Variants in BBS9 observed in about 807,000 individuals in gnomAD.
The protein encoded by BBS9 is protein PTHB1.
Under a neutral mutation model 117.7 loss-of-function variants are expected in BBS9, and 89 were observed. That is an observed-to-expected ratio of 0.76 (90% CI 0.64 to 0.90). The LOEUF (loss-of-function observed/expected upper bound fraction) is 0.90, where lower values mean the gene tolerates loss of function less well. Among genes scored for constraint, BBS9 ranks in the 40% least tolerant of loss-of-function variants. The probability of loss-of-function intolerance (pLI) is 0.00; values close to 1 mark genes in which losing one functional copy is unlikely to be tolerated. For synonymous variants in BBS9, 379 were observed against 370.9 expected, an observed-to-expected ratio of 1.02 and a Z score of -0.25; for missense variants, 982 against 1,042.2, an observed-to-expected ratio of 0.94 and a Z score of 0.80.
intron 9 of BBS9, among the ~76,000 whole-genome samples, chr7:33,302,711 T>C (rs1447903138): frequency 6.6e-6 from 1 of 152,200 alleles, no homozygotes; most frequent in Non-Finnish European, 1.5e-5. Flanking sequence ...TCAGGTAATG[T>C]GATTCTTTCA....
chr7:33,344,586 G>A lies in BBS9; in HGVS notation c.1281G>A (p.Ala427=), dbSNP rs763111806. Residue 427 remains alanine, a synonymous_variant, in exon 12 of 23, where the codon GCG becomes GCA. Transcript: ENST00000242067. Reference sequence around the variant, plus strand: ...TCTCAATTCTGTGTTTACAGCAAGCGACCGATGTTGAGGTGGGAACTGACC... The same window carrying A: ...TCTCAATTCTGTGTTTACAGCAAGCAACCGATGTTGAGGTGGGAACTGACC... The part of the protein sequence containing the change: ...VSPNFDSVSQ[A]TDVEVGTDLV... The A allele has an allele frequency of 3.1e-6, 5 of 1,613,872 alleles. No individual in the cohort carries two copies. Among genetic ancestry groups the A allele is most frequent in the Admixed American group, 1.7e-5 (1 of 60,008 alleles).
At position 33,529,308 on chromosome 7, in the gene BBS9, G is replaced by A. The variant is rs543051419; in HGVS notation, c.2299-4646G>A. ...TTGGAGAAGTCAGGTAGCAGGCAGG[G>A]CCTCGGCCCCTGAGTCCGGTTCCTT... On this transcript the variant is annotated intron_variant, in intron 20 of 22. Transcript: ENST00000242067. Among the ~76,000 whole-genome samples, 30 of 152,308 alleles carry A rather than the reference G, an allele frequency of 2.0e-4. No individual in the cohort carries two copies. The East Asian group carries it at 5.2e-3, about 27-fold the overall frequency.
intron 1 of BBS9, among the ~76,000 whole-genome samples, chr7:33,130,396 A>G (rs902251726): frequency 7.2e-5 from 11 of 152,194 alleles, no homozygotes; most frequent in African/African-American, 2.7e-4. Context: ...CCTTCTAGTA[A>G]TAGGATTATT....
chr7:33,504,988 A>G (rs574044712), intron 19 of BBS9, among the ~76,000 whole-genome samples: 1 of 152,288 alleles, frequency 6.6e-6, no homozygotes, highest in African/African-American at 2.4e-5. Context: ...TCTCAATACC[A>G]TGTAGCATCT....
chr7:33,511,698 T>C (rs1481322581), intron 20 of BBS9, among the ~76,000 whole-genome samples: 1 of 152,214 alleles, frequency 6.6e-6, no homozygotes, highest in Non-Finnish European at 1.5e-5. Context: ...TGATTGATTA[T>C]CCCTTTTACA....
chr7:33,614,213 A>G (rs1865022101), intron 21 of BBS9, among the ~76,000 whole-genome samples: 1 of 152,112 alleles, frequency 6.6e-6, no homozygotes, highest in Non-Finnish European at 1.5e-5. Flanking sequence ...TTTTAAATTG[A>G]CTAAACAAGA....
At chr7:33,275,350 C>A (rs943360677) in intron 9 of BBS9, among the ~76,000 whole-genome samples, 2 of 152,108 alleles carry the variant, frequency 1.3e-5, no homozygotes, top group Non-Finnish European at 1.5e-5. Context: ...ATCACATGGT[C>A]TTTTTAAATT....
chr7:33,254,610 C>T (rs1562883427), intron 5 of BBS9, among the ~76,000 whole-genome samples: 2 of 152,186 alleles, frequency 1.3e-5, no homozygotes, highest in Non-Finnish European at 2.9e-5. Flanking sequence ...GTCTCCAGAA[C>T]TTACTCATAT....
chr7:33,374,846 A>G (rs1360416270), intron 17 of BBS9, among the ~76,000 whole-genome samples: 1 of 146,130 alleles, frequency 6.8e-6, no homozygotes. Context: ...GGTTGCAGTG[A>G]GCCGAGGTCA....
chr7:33,461,128 C>G (rs1464416237), intron 19 of BBS9, among the ~76,000 whole-genome samples: 1 of 151,898 alleles, frequency 6.6e-6, no homozygotes, highest in Non-Finnish European at 1.5e-5. Context: ...TGTTTTTCCA[C>G]TCATTTATTG....
At chr7:33,374,587 G>A (rs1158559109) in intron 17 of BBS9, among the ~76,000 whole-genome samples, 2 of 152,092 alleles carry the variant, frequency 1.3e-5, no homozygotes, top group African/African-American at 4.8e-5. Flanking sequence ...ATATTGAAGA[G>A]GTTGTATATT....
chr7:33,203,996 T>C (rs1786421738), intron 5 of BBS9, among the ~76,000 whole-genome samples: 1 of 151,504 alleles, frequency 6.6e-6, no homozygotes, highest in Non-Finnish European at 1.5e-5. Flanking sequence ...GTGCTGGGAT[T>C]ACAGTCGTGA....
intron 21 of BBS9, among the ~76,000 whole-genome samples, chr7:33,586,139 T>G (rs1860847757): frequency 6.6e-6 from 1 of 151,828 alleles, no homozygotes; most frequent in Admixed American, 6.6e-5. Context: ...TGATGTGTGG[T>G]TTTTCTGGGA....
chr7:33,190,685 A>G (rs1012801291), intron 5 of BBS9, among the ~76,000 whole-genome samples: 1 of 152,196 alleles, frequency 6.6e-6, no homozygotes, highest in African/African-American at 2.4e-5. Context: ...TAGTCCATGT[A>G]AAAGAGGTTC....
chr7:33,424,909 G>A (rs1833428878), intron 19 of BBS9, among the ~76,000 whole-genome samples: 1 of 152,048 alleles, frequency 6.6e-6, no homozygotes, highest in African/African-American at 2.4e-5. Context: ...TCACCATCAT[G>A]TTATGGTAAA....
intron 15 of BBS9, among the ~76,000 whole-genome samples, chr7:33,354,515 G>T (rs1819278759): frequency 6.6e-6 from 1 of 152,114 alleles, no homozygotes; most frequent in African/African-American, 2.4e-5. Context: ...GGAAGTTCTG[G>T]CTACCAGACA....
At chr7:33,594,672 C>T (rs1862446388) in intron 21 of BBS9, among the ~76,000 whole-genome samples, 1 of 152,036 alleles carries the variant, frequency 6.6e-6, no homozygotes, top group African/African-American at 2.4e-5. Context: ...CATAAGTCTT[C>T]CAGTCTTACC....
chr7:33,589,379 C>T (rs1461002267), intron 21 of BBS9, among the ~76,000 whole-genome samples: 2 of 152,068 alleles, frequency 1.3e-5, no homozygotes, highest in Non-Finnish European at 2.9e-5. Context: ...TGAATTATTT[C>T]TGGAATTTTT....
intron 21 of BBS9, 73 bp downstream of exon 21, chr7:33,534,249 A>G: frequency 2.0e-6 from 3 of 1,477,282 alleles, no homozygotes; most frequent in South Asian, 2.4e-5. Context: ...CTGTGGTTGT[A>G]TTTGGGGTTT....
Sources: allele counts gnomAD v4.1 joint callset (sites outside exome capture counted in the v4.1 genomes callset), GRCh38; gene constraint gnomAD v4.1.1; transcripts MANE v1.5; gene names NCBI Gene and HGNC (gene_info 2026-07-23, HGNC 2026-07-21).